The following COXFA4L3 variants were observed in gnomAD, a reference collection of about 807,000 sequenced individuals.
The protein encoded by COXFA4L3 is MIR147B host.
At chr15:45,431,302 T>TA in the COXFA4L3 span, 7 of 439,518 alleles carry the variant, frequency 1.6e-5, no homozygotes, top group East Asian at 7.1e-5. Flanking sequence ...AGAAAAAATT[T>TA]AAAAAAACCC....
the COXFA4L3 span, chr15:45,431,990 C>T: frequency 8.2e-7 from 1 of 1,218,576 alleles, no homozygotes; most frequent in South Asian, 1.3e-5. Context: ...CTGGTTTTGT[C>T]CCTAACATGT....
the COXFA4L3 span, chr15:45,430,959 T>C: frequency 8.2e-6 from 13 of 1,592,012 alleles, no homozygotes; most frequent in African/African-American, 6.7e-5. Flanking sequence ...ATGTTTCATA[T>C]TGAAGTGTCC....
the COXFA4L3 span, chr15:45,431,097 C>G: frequency 6.2e-7 from 1 of 1,606,116 alleles, no homozygotes; most frequent in Non-Finnish European, 8.5e-7. Context: ...GTAAGTAGGT[C>G]TCAATTTATA....
At chr15:45,432,142 A>T in the COXFA4L3 span, 2 of 1,609,504 alleles carry the variant, frequency 1.2e-6, no homozygotes. Flanking sequence ...GGTATTGTTA[A>T]ATTAAAAACA....
the COXFA4L3 span, chr15:45,431,240 T>C: frequency 1.9e-6 from 1 of 522,620 alleles, no homozygotes; most frequent in African/African-American, 2.0e-5. Context: ...ATCAGAAAAC[T>C]CTTATGATAT....
chr15:45,432,419 C>T, the COXFA4L3 span, among the ~76,000 whole-genome samples: 1 of 152,360 alleles, frequency 6.6e-6, no homozygotes, highest in South Asian at 2.1e-4. Context: ...AATGCCAACA[C>T]TTTGGGAGGC....
chr15:45,433,209 A>AT, the COXFA4L3 span: 1 of 588,882 alleles, frequency 1.7e-6, no homozygotes. Flanking sequence ...GTTTGTGCTT[A>AT]TTTTCTTGTA....
At chr15:45,431,434 T>C in the COXFA4L3 span, 1 of 190,168 alleles carries the variant, frequency 5.3e-6, no homozygotes, top group Non-Finnish European at 1.1e-5. Context: ...TTTAAAGTTC[T>C]TCAGTGGTTT....
chr15:45,430,958 A>AT, the COXFA4L3 span: 2 of 1,587,478 alleles, frequency 1.3e-6, no homozygotes, highest in Non-Finnish European at 1.7e-6. Flanking sequence ...AATGTTTCAT[A>AT]TTGAAGTGTC....
At chr15:45,430,647 G>T in the COXFA4L3 span, 1 of 675,140 alleles carries the variant, frequency 1.5e-6, no homozygotes. Context: ...CGCACCGCCC[G>T]GCGTCCAGGT....
the COXFA4L3 span, chr15:45,430,637 CG>C: frequency 1.5e-6 from 1 of 650,488 alleles, no homozygotes; most frequent in Non-Finnish European, 2.7e-6. Flanking sequence ...ATCGTCCGTG[CG>C]CACCGCCCGG....
chr15:45,431,058 G>A, the COXFA4L3 span: 3 of 1,613,942 alleles, frequency 1.9e-6, no homozygotes, highest in Non-Finnish European at 2.5e-6. Flanking sequence ...ATCTTTCGCT[G>A]TGTATTCTCT....
At chr15:45,431,135 CT>C in the COXFA4L3 span, 1 of 1,500,318 alleles carries the variant, frequency 6.7e-7, no homozygotes, top group Non-Finnish European at 9.2e-7. Context: ...GTTTGGATGA[CT>C]TTTAGTTTAT....
the COXFA4L3 span, chr15:45,431,282 G>T: frequency 2.8e-6 from 1 of 361,252 alleles, no homozygotes. Context: ...ATGAAAATTA[G>T]AAAAAAAAAA....
chr15:45,433,073 T>G, the COXFA4L3 span: 1 of 1,504,690 alleles, frequency 6.6e-7, no homozygotes, highest in Non-Finnish European at 9.3e-7. Context: ...GAAACATTTC[T>G]GCACAAACTA....
At chr15:45,430,685 G>T in the COXFA4L3 span, 21 of 969,240 alleles carry the variant, frequency 2.2e-5, no homozygotes, top group Admixed American at 1.3e-4. Context: ...AGACGCGGAC[G>T]CGCCGGCCCG....
chr15:45,432,979 T>C, the COXFA4L3 span: 80 of 1,613,954 alleles, frequency 5.0e-5, 2 homozygotes, highest in South Asian at 3.7e-4. Flanking sequence ...TGGAAACCCA[T>C]TGAAGAGTTG....
At chr15:45,430,638 G>A in the COXFA4L3 span, 6 of 651,758 alleles carry the variant, frequency 9.2e-6, no homozygotes, top group Admixed American at 1.2e-4. Context: ...TCGTCCGTGC[G>A]CACCGCCCGG....
chr15:45,430,770 A>AT, the COXFA4L3 span: 1 of 1,606,054 alleles, frequency 6.2e-7, no homozygotes, highest in African/African-American at 1.3e-5. Flanking sequence ...TAATTTCTAG[A>AT]TTTGGCAATT....
Sources: allele counts gnomAD v4.1 joint callset (sites outside exome capture counted in the v4.1 genomes callset), GRCh38; gene constraint gnomAD v4.1.1; transcripts MANE v1.5; gene names NCBI Gene and HGNC (gene_info 2026-07-23, HGNC 2026-07-21).